MGAT4C: variants seen among roughly 807,000 people sequenced by gnomAD.
The protein encoded by MGAT4C is alpha-1,3-mannosyl-glycoprotein 4-beta-N-acetylglucosaminyltransferase C.
MGAT4C carries 19 observed loss-of-function variants against 40.1 expected under a neutral mutation model. That is an observed-to-expected ratio of 0.47 (90% CI 0.33 to 0.70). The LOEUF (loss-of-function observed/expected upper bound fraction) is 0.70, where lower values mean the gene tolerates loss of function less well. Ranked by LOEUF, MGAT4C falls within the 30% of genes least tolerant of loss-of-function variation. MGAT4C has a pLI of 0.02. For synonymous variants in MGAT4C, 181 were observed against 187.1 expected, an observed-to-expected ratio of 0.97 and a Z score of 0.27; for missense variants, 491 against 563.2, an observed-to-expected ratio of 0.87 and a Z score of 1.30.
At chr12:86,465,265 T>C (rs1453679013) in intron 2 of MGAT4C, among the ~76,000 whole-genome samples, 8 of 152,220 alleles carry the variant, frequency 5.3e-5, no homozygotes, top group Admixed American at 3.3e-4. Flanking sequence ...TGCAAAACTA[T>C]AAAACTCCTA....
At chr12:86,318,328 A>G (rs1954296146) in intron 4 of MGAT4C, among the ~76,000 whole-genome samples, 1 of 152,226 alleles carries the variant, frequency 6.6e-6, no homozygotes, top group South Asian at 2.1e-4. Context: ...TTGAAACATT[A>G]ATACTAAGCA....
intron 4 of MGAT4C, among the ~76,000 whole-genome samples, chr12:86,299,396 C>A (rs1192141336): frequency 6.6e-6 from 1 of 152,136 alleles, no homozygotes; most frequent in African/African-American, 2.4e-5. Flanking sequence ...GGATTACAGG[C>A]GTGAGCCACT....
At chr12:86,575,724 A>G (rs1960533986) in intron 2 of MGAT4C, among the ~76,000 whole-genome samples, 1 of 151,926 alleles carries the variant, frequency 6.6e-6, no homozygotes, top group South Asian at 2.1e-4. Context: ...GTATATACCC[A>G]GCAGTGGGAT....
rs796929996 is a variant in MGAT4C at position 86,662,030 on chromosome 12, T to A, written c.-229+65179A>T. On this transcript the variant is annotated intron_variant, in intron 2 of 7. Coordinates refer to the MGAT4C transcript ENST00000548651. ...AGTTTCTAATGTGCAGTCCACCACA[T>A]TGGACTAACCTACCCTAATTACACT... is the stretch of plus-strand genomic sequence containing the variant. 9.2e-5 allele frequency among the ~76,000 whole-genome samples: 14 copies of A among 152,312 alleles called. 1 individual carries two copies. The highest frequency in any genetic ancestry group is 3.1e-4 in the African/African-American group (13 of 41,568).
At position 85,958,400 on chromosome 12, in the gene MGAT4C, G is replaced by T. The variant is rs960990025; in HGVS notation, c.*20889C>A. 1 of 152,040 alleles carries T rather than the reference G, an allele frequency of 6.6e-6. No homozygotes were observed. Among genetic ancestry groups the T allele is most frequent in the Non-Finnish European group, 1.5e-5 (1 of 68,008 alleles). The allele number at this position is 152,040 out of a possible 1,614,324, so 9.4% of individuals were successfully genotyped here. A position where few individuals can be genotyped will look rare whatever the true frequency, so the allele number is the denominator to read the frequency against. Reference sequence around the variant, plus strand: ...GTATTTCATACAGTGTAACTAGGCAGTCAGAAATACCTGTATCTCAAATTC... The same window carrying T: ...GTATTTCATACAGTGTAACTAGGCATTCAGAAATACCTGTATCTCAAATTC... On this transcript the variant is annotated 3_prime_UTR_variant, in exon 5 of 5. Coordinates refer to ENST00000611864, the MANE Select transcript of MGAT4C (RefSeq NM_001351288.2).
chr12:86,034,313 T>C (rs1401136782), intron 2 of MGAT4C, among the ~76,000 whole-genome samples: 1 of 149,684 alleles, frequency 6.7e-6, no homozygotes, highest in Non-Finnish European at 1.5e-5. Context: ...TTTGGAATAG[T>C]TTCAGAAGGA....
chr12:86,530,876 T>C (rs1958970311), intron 2 of MGAT4C, among the ~76,000 whole-genome samples: 1 of 152,106 alleles, frequency 6.6e-6, no homozygotes, highest in South Asian at 2.1e-4. Flanking sequence ...TTATGTACCA[T>C]ATATACACTA....
chr12:86,247,273 T>C (rs921727760), intron 1 of MGAT4C, among the ~76,000 whole-genome samples: 4 of 152,216 alleles, frequency 2.6e-5, no homozygotes, highest in African/African-American at 9.6e-5. Context: ...TTTATTTCTA[T>C]GATTAACATT....
chr12:86,473,425 T>G (rs906529835), intron 2 of MGAT4C, among the ~76,000 whole-genome samples: 1 of 152,198 alleles, frequency 6.6e-6, no homozygotes, highest in Non-Finnish European at 1.5e-5. Context: ...CATATTCCCA[T>G]TAGAACATTT....
chr12:86,016,739 CA>C (rs1889124696), intron 2 of MGAT4C, among the ~76,000 whole-genome samples: 1 of 152,094 alleles, frequency 6.6e-6, no homozygotes, highest in African/African-American at 2.4e-5. Flanking sequence ...TATTCTTTCT[CA>C]AAGGCCTATG....
intron 1 of MGAT4C, among the ~76,000 whole-genome samples, chr12:86,246,217 G>A (rs979277888): frequency 1.1e-4 from 13 of 114,730 alleles, no homozygotes; most frequent in African/African-American, 3.4e-4. Flanking sequence ...ACAGAGTCTC[G>A]CTCAGTTGCC....
At chr12:86,447,382 C>T (rs1054483576) in intron 2 of MGAT4C, among the ~76,000 whole-genome samples, 9 of 152,100 alleles carry the variant, frequency 5.9e-5, no homozygotes, top group Admixed American at 1.3e-4. Context: ...GCCTTGGCCT[C>T]CCAAAGTATC....
intron 2 of MGAT4C, among the ~76,000 whole-genome samples, chr12:86,607,357 T>G (rs1962078161): frequency 6.6e-6 from 1 of 152,124 alleles, no homozygotes; most frequent in Admixed American, 6.6e-5. Flanking sequence ...TGTTAGTACT[T>G]GTATTTTCTG....
At chr12:86,366,183 G>C (rs1955591907) in intron 3 of MGAT4C, among the ~76,000 whole-genome samples, 1 of 152,044 alleles carries the variant, frequency 6.6e-6, no homozygotes, top group Non-Finnish European at 1.5e-5. Flanking sequence ...TCTTGATTTG[G>C]CTGTCAGCTA....
At chr12:86,669,146 AC>A (rs897168598) in intron 2 of MGAT4C, among the ~76,000 whole-genome samples, 17 of 151,354 alleles carry the variant, frequency 1.1e-4, no homozygotes, top group African/African-American at 3.4e-4. Context: ...CATTCAGAAA[AC>A]CCATTCATCT....
intron 1 of MGAT4C, among the ~76,000 whole-genome samples, chr12:86,112,588 T>C (rs192169700): frequency 1.3e-5 from 2 of 151,924 alleles, no homozygotes; most frequent in Middle Eastern, 3.4e-3. Context: ...TTCTACTATA[T>C]GCTATTTATT....
At chr12:86,801,841 AGG>A (rs749627965) in intron 1 of MGAT4C, among the ~76,000 whole-genome samples, 14,507 of 151,716 alleles carry the variant, frequency 0.096, 939 homozygotes, top group Non-Finnish European at 0.14. Flanking sequence ...TTCCAGAAAT[AGG>A]TAATACAAAA....
chr12:86,473,547 C>A (rs1018607829), intron 2 of MGAT4C, among the ~76,000 whole-genome samples: 3 of 152,132 alleles, frequency 2.0e-5, no homozygotes, highest in African/African-American at 7.2e-5. Flanking sequence ...AGAAAAGAGA[C>A]ACCATTTGGA....
intron 2 of MGAT4C, among the ~76,000 whole-genome samples, chr12:86,599,983 A>G: frequency 6.6e-6 from 1 of 152,132 alleles, no homozygotes; most frequent in East Asian, 1.9e-4. Flanking sequence ...TTGAAAATAA[A>G]CAAAAAAACC....
Sources: gnomAD v4.1 joint callset for allele counts (sites outside exome capture counted in the v4.1 genomes callset) on GRCh38, gnomAD v4.1.1 for gene constraint, MANE v1.5 for transcripts, NCBI Gene and HGNC (gene_info 2026-07-23, HGNC 2026-07-21) for gene names.